HGH1: variants seen among roughly 807,000 people sequenced by gnomAD.
HGH1 encodes co-chaperone protein HGH1 homolog.
In HGH1, 31 loss-of-function variants were observed where a neutral mutation model predicts 31.7. That is an observed-to-expected ratio of 0.98 (90% CI 0.73 to 1.32). The LOEUF (loss-of-function observed/expected upper bound fraction) is 1.32. HGH1 is among the 40% of genes most tolerant of loss of function. The pLI is 0.00. For missense variants in HGH1, 618 were observed against 594.4 expected (o/e 1.04, Z -0.41); for synonymous variants, 284 against 293.6 (o/e 0.97, Z 0.34).
In HGH1 at chr8:144,139,056, C is replaced by G; in HGVS notation, c.841C>G (p.Pro281Ala). 6.2e-7 allele frequency: 1 copy of G among 1,613,994 alleles called. No individual in the cohort carries two copies. Among genetic ancestry groups the G allele is most frequent in the Admixed American group, 1.7e-5 (1 of 60,020 alleles). ...QYLPPDKQRE[P>A]DADIRKMLVE... The stretch of plus-strand genomic sequence containing the variant: ...CCTGCCACCAGACAAGCAGCGAGAA[C>G]CTGATGCAGACATCCGCAAGATGCT... The change falls in exon 4 of 6, where the codon CCT becomes GCT. Residue 281 changes from proline (P) to alanine (A), a missense_variant. Transcript: ENST00000347708.
intron 4 of HGH1, 36 bp from the exon 5 acceptor site, chr8:144,139,153 A>G: frequency 6.2e-7 from 1 of 1,614,022 alleles, no homozygotes; most frequent in Non-Finnish European, 8.5e-7. Context: ...ACACATGAGC[A>G]TGCTGACATC....
Position 144,139,103 on chromosome 8 carries a change from G to A in HGH1, c.885+3G>A. On this transcript the variant is annotated splice_donor_region_variant and intron_variant, in intron 4 of 5. Transcript: ENST00000347708. Reference sequence around the variant, plus strand: ...TGCTTGTTGAAGCCATCATGCTGGTGAGCAGGAGCCCTGCTGCAATAAGCA... The same window carrying A: ...TGCTTGTTGAAGCCATCATGCTGGTAAGCAGGAGCCCTGCTGCAATAAGCA... 1 of 1,614,004 alleles carries A rather than the reference G, an allele frequency of 6.2e-7. No homozygotes were observed. The highest frequency in any genetic ancestry group is 8.5e-7 in the Non-Finnish European group (1 of 1,179,868).
intron 4 of HGH1, 31 bp downstream of exon 4, chr8:144,139,131 A>C: frequency 6.2e-7 from 1 of 1,613,866 alleles, no homozygotes; most frequent in South Asian, 1.1e-5. Flanking sequence ...AATAAGCACC[A>C]CCCCAACACA....
In HGH1 at chr8:144,139,417, C is replaced by T; in HGVS notation, c.1038C>T (p.Gly346=). The T allele has an allele frequency of 6.2e-7, 1 of 1,611,094 alleles. No individual in the cohort carries two copies. Among genetic ancestry groups the T allele is most frequent in the Non-Finnish European group, 8.5e-7 (1 of 1,178,710 alleles). Residue 346 remains glycine (G), a synonymous_variant, in exon 6 of 6, where the codon GGC becomes GGT. Coordinates refer to ENST00000347708, the MANE Select transcript of HGH1 (RefSeq NM_016458.4). ...QVLIGDEPER[G]MENLLEVQVP... is the part of the protein sequence containing the mutation. ...TTATTGGGGACGAGCCTGAACGTGG[C>T]ATGGAAAACCTGCTGGAGGTGCAGG...
In HGH1 at chr8:144,138,346, G is replaced by T. The variant is rs1815126178; in HGVS notation, c.511G>T (p.Ala171Ser). ...ALCTPGYNAR[A>S]PLHYLAPLLS... ...GTGCACGCCCGGCTACAACGCCCGC[G>T]CGCCCCTGCACTACCTAGCGCCGCT... The change falls in exon 1 of 6, where the codon GCG (alanine) becomes TCG (serine). Residue 171 changes from alanine to serine, a missense_variant. Transcript: ENST00000347708. 6.4e-7 allele frequency: 1 copy of T among 1,557,748 alleles called. No individual in the cohort carries two copies. The highest frequency in any genetic ancestry group is 8.6e-7 in the Non-Finnish European group (1 of 1,161,384).
chr8:144,138,052 C>T lies in HGH1; in HGVS notation c.217C>T (p.Pro73Ser). 2 of 1,309,574 alleles carry T rather than the reference C, an allele frequency of 1.5e-6. No individual in the cohort carries two copies. The highest frequency in any genetic ancestry group is 1.9e-6 in the Non-Finnish European group (2 of 1,026,276). The allele number at this position is 1,309,574 out of a possible 1,614,324, so 81.1% of individuals were successfully genotyped here. A position where few individuals can be genotyped will look rare whatever the true frequency, so the allele number is the denominator to read the frequency against. ...GCTGCAGGCGCTGATGGAGCTGGCGCCGGCCTCTGCCCCGGCCCGGGACGC... is the reference window on the plus strand; with the variant it reads ...GCTGCAGGCGCTGATGGAGCTGGCGTCGGCCTCTGCCCCGGCCCGGGACGC... Reference protein sequence around the residue: ...ALLQALMELAPASAPARDAAR... With the variant: ...ALLQALMELASASAPARDAAR... The change falls in exon 1 of 6, where the codon CCG becomes TCG. Residue 73 changes from proline (P) to serine (S), a missense_variant. Physicochemically the swap from Pro to Ser is moderately conservative, Grantham distance 74. Coordinates refer to ENST00000347708, the MANE Select transcript of HGH1 (RefSeq NM_016458.4).
In HGH1 at chr8:144,138,722, C is replaced by T. The variant is rs1262550747; in HGVS notation, c.702C>T (p.His234=). The T allele has an allele frequency of 6.2e-7, 1 of 1,613,788 alleles. No individual in the cohort carries two copies. The highest frequency in any genetic ancestry group is 8.5e-7 in the Non-Finnish European group (1 of 1,179,866). ...ACCCTCACCATCCCTCAGGACATCA[C>T]GAGTGGTTGCTTGGACCTGAGGTGG... ...LRNCCFEHRH[H]EWLLGPEVDI... The change falls in exon 3 of 6, where the codon CAC becomes CAT. Residue 234 remains histidine, a synonymous_variant. Transcript: ENST00000347708.
At position 144,138,570 on chromosome 8, in the gene HGH1, G is replaced by T. The variant is rs2130179110; in HGVS notation, c.657G>T (p.Gly219=). 1 of 1,612,984 alleles carries T rather than the reference G, an allele frequency of 6.2e-7. No homozygotes were observed. Among genetic ancestry groups the T allele is most frequent in the East Asian group, 2.2e-5 (1 of 44,872 alleles). Residue 219 remains glycine, a synonymous_variant, in exon 2 of 6, where the codon GGG becomes GGT. Transcript: ENST00000347708. ...CCGACTCCTCTGTACGCAGGGGCGGGGTGGTGGGGACGCTGCGGAATTGCT... is the reference window on the plus strand; with the variant it reads ...CCGACTCCTCTGTACGCAGGGGCGGTGTGGTGGGGACGCTGCGGAATTGCT... ...QYPDSSVRRG[G]VVGTLRNCCF...
At position 144,139,854 on chromosome 8, in the gene HGH1, T is replaced by G; in HGVS notation, c.*302T>G. 3.7e-6 allele frequency: 2 copies of G among 538,098 alleles called. No homozygotes were observed. Among genetic ancestry groups the G allele is most frequent in the Non-Finnish European group, 6.6e-6 (2 of 303,680 alleles). 33.3% of individuals were successfully genotyped at this position (538,098 alleles called of 1,614,324 possible). On this transcript the variant is annotated 3_prime_UTR_variant, in exon 6 of 6. Coordinates refer to ENST00000347708, the MANE Select transcript of HGH1 (RefSeq NM_016458.4). The stretch of plus-strand genomic sequence containing the variant: ...TGGCCAGGGAGCCATGAGAAGACTC[T>G]TCCTGGGCACGGCGTGGGGACTGGA...
Position 144,138,766 on chromosome 8 carries a change from T to C in HGH1, c.746T>C (p.Leu249Pro). 6.2e-7 allele frequency: 1 copy of C among 1,613,908 alleles called. No individual in the cohort carries two copies. Among genetic ancestry groups the C allele is most frequent in the Non-Finnish European group, 8.5e-7 (1 of 1,179,862 alleles). Residue 249 changes from leucine to proline, a missense_variant, in exon 3 of 6, where the codon CTC becomes CCC. Coordinates refer to ENST00000347708, the MANE Select transcript of HGH1 (RefSeq NM_016458.4). Reference sequence around the variant, plus strand: ...GAGGTGGACATTCTCCCCTTTTTGCTCCTGCCCTTGGCTGGGCCTGAGGAT... The same window carrying C: ...GAGGTGGACATTCTCCCCTTTTTGCCCCTGCCCTTGGCTGGGCCTGAGGAT... ...GPEVDILPFL[L>P]LPLAGPEDFS...
chr8:144,139,604 A>T lies in HGH1; in HGVS notation c.*52A>T. On this transcript the variant is annotated 3_prime_UTR_variant, in exon 6 of 6. Transcript: ENST00000347708. ...AGGGTCCCCTTTGCCAGGCTTTCTC[A>T]GACCAGGCCTTCCTGCAGCTGTCTG... is the stretch of plus-strand genomic sequence containing the variant. 6.5e-7 allele frequency: 1 copy of T among 1,547,244 alleles called. No individual in the cohort carries two copies. Among genetic ancestry groups the T allele is most frequent in the Admixed American group, 2.0e-5 (1 of 50,950 alleles).
In HGH1 at chr8:144,137,820, C is replaced by T; in HGVS notation, c.-16C>T. ...ACCGCTGGCACCGGTCGGGTGGCAG[C>T]AGAGTGTCGCTCGACATGGGGGAGG... On this transcript the variant is annotated 5_prime_UTR_variant, in exon 1 of 6. Transcript: ENST00000347708. 2 of 1,251,608 alleles carry T rather than the reference C, an allele frequency of 1.6e-6. No individual in the cohort carries two copies. Among genetic ancestry groups the T allele is most frequent in the Non-Finnish European group, 2.0e-6 (2 of 998,798 alleles). The allele number at this position is 1,251,608 out of a possible 1,614,324, so 77.5% of individuals were successfully genotyped here.
intron 1 of HGH1, 32 bp from the exon 2 acceptor site, chr8:144,138,475 G>C (rs1458687727): frequency 1.9e-6 from 3 of 1,598,292 alleles, no homozygotes; most frequent in Admixed American, 3.4e-5. Flanking sequence ...CGGAAGTTAG[G>C]GGGGACGGCC....
chr8:144,138,501 C>A lies in HGH1; in HGVS notation c.594-6C>A. On this transcript the variant is annotated splice_region_variant and splice_polypyrimidine_tract_variant and intron_variant, in intron 1 of 5. Coordinates refer to ENST00000347708, the MANE Select transcript of HGH1 (RefSeq NM_016458.4). The stretch of plus-strand genomic sequence containing the variant: ...GGGGACGGCCCTAAGTGACACCTCC[C>A]AACAGGTGCGTGGTCCAGCGGCTGC... 1 of 1,608,468 alleles carries A rather than the reference C, an allele frequency of 6.2e-7. No homozygotes were observed. Among genetic ancestry groups the A allele is most frequent in the African/African-American group, 1.3e-5 (1 of 74,982 alleles).
In HGH1 at chr8:144,137,843, A is replaced by G; in HGVS notation, c.8A>G (p.Glu3Gly). The change falls in exon 1 of 6, where the codon GAG becomes GGG. Residue 3 changes from glutamate (E) to glycine (G), a missense_variant. Glu to Gly is a moderately conservative substitution (Grantham distance 98). Coordinates refer to ENST00000347708, the MANE Select transcript of HGH1 (RefSeq NM_016458.4). Reference sequence around the variant, plus strand: ...AGCAGAGTGTCGCTCGACATGGGGGAGGCCGGGGCTGGCGCTGGCGCCTCG... The same window carrying G: ...AGCAGAGTGTCGCTCGACATGGGGGGGGCCGGGGCTGGCGCTGGCGCCTCG... Reference protein sequence around the residue: MGEAGAGAGASGG... With the variant: MGGAGAGAGASGG... 1.6e-6 allele frequency: 2 copies of G among 1,283,004 alleles called. No individual in the cohort carries two copies. Among genetic ancestry groups the G allele is most frequent in the South Asian group, 2.5e-5 (1 of 40,196 alleles). The allele number at this position is 1,283,004 out of a possible 1,614,324, so 79.5% of individuals were successfully genotyped here. A position where few individuals can be genotyped will look rare whatever the true frequency, so the allele number is the denominator to read the frequency against.
rs1815158913 is a variant in HGH1, at chr8:144,139,591, G to A, written c.*39G>A. 7.1e-6 allele frequency: 11 copies of A among 1,548,688 alleles called. No homozygotes were observed. Among genetic ancestry groups the A allele is most frequent in the Non-Finnish European group, 9.6e-6 (11 of 1,146,716 alleles). ...GGACACCAGCTCCAGGGTCCCCTTTGCCAGGCTTTCTCAGACCAGGCCTTC... is the reference window on the plus strand; with the variant it reads ...GGACACCAGCTCCAGGGTCCCCTTTACCAGGCTTTCTCAGACCAGGCCTTC... On this transcript the variant is annotated 3_prime_UTR_variant, in exon 6 of 6. Transcript: ENST00000347708.
At position 144,139,378 on chromosome 8, in the gene HGH1, C is replaced by T. The variant is rs1004870623; in HGVS notation, c.1009-10C>T. On this transcript the variant is annotated splice_polypyrimidine_tract_variant and intron_variant, in intron 5 of 5. Transcript: ENST00000347708. ...GCTGGCCAGCTGCTCACCTGCTTCC[C>T]GTCTGGCAGGTGCTTATTGGGGACG... 2.1e-4 allele frequency: 337 copies of T among 1,613,774 alleles called. 2 individuals are homozygous for T. The East Asian group carries it at 6.6e-3, about 31-fold the overall frequency.
In HGH1 at chr8:144,139,878, G is replaced by A; in HGVS notation, c.*326G>A. 4.1e-6 allele frequency: 2 copies of A among 488,462 alleles called. No individual in the cohort carries two copies. Among genetic ancestry groups the A allele is most frequent in the South Asian group, 2.2e-5 (1 of 45,580 alleles). The allele number at this position is 488,462 out of a possible 1,614,324, so 30.3% of individuals were successfully genotyped here. A position where few individuals can be genotyped will look rare whatever the true frequency, so the allele number is the denominator to read the frequency against. On this transcript the variant is annotated 3_prime_UTR_variant, in exon 6 of 6. Coordinates refer to ENST00000347708, the MANE Select transcript of HGH1 (RefSeq NM_016458.4). ...CTTCCTGGGCACGGCGTGGGGACTG[G>A]ACAGAAAACCACTGCAAGCCCCAAG... is the stretch of plus-strand genomic sequence containing the variant.
At position 144,139,571 on chromosome 8, in the gene HGH1, C is replaced by G; in HGVS notation, c.*19C>G. The stretch of plus-strand genomic sequence containing the variant: ...CACCTGAGGCCCCTGCAGCCGGACA[C>G]CAGCTCCAGGGTCCCCTTTGCCAGG... On this transcript the variant is annotated 3_prime_UTR_variant, in exon 6 of 6. Coordinates refer to ENST00000347708, the MANE Select transcript of HGH1 (RefSeq NM_016458.4). 1 of 1,549,846 alleles carries G rather than the reference C, an allele frequency of 6.5e-7. No homozygotes were observed. The highest frequency in any genetic ancestry group is 8.7e-7 in the Non-Finnish European group (1 of 1,147,038).
Sources: gnomAD v4.1 joint callset for allele counts on GRCh38, gnomAD v4.1.1 for gene constraint, MANE v1.5 for transcripts, NCBI Gene and HGNC (gene_info 2026-07-23, HGNC 2026-07-21) for gene names.